The following FGF14 variants were observed in gnomAD, a reference collection of about 807,000 sequenced individuals.
FGF14 encodes fibroblast growth factor homologous factor 4.
In FGF14, 5 loss-of-function variants were observed where a neutral mutation model predicts 25.5. The ratio of observed to expected loss-of-function variants is 0.20; its 90% CI spans 0.10 to 0.41. The LOEUF (loss-of-function observed/expected upper bound fraction) is 0.41. Ranked by LOEUF, FGF14 falls within the 10% of genes least tolerant of loss-of-function variation. FGF14 has a pLI of 1.00. For missense variants in FGF14, 222 were observed against 320.1 expected (o/e 0.69, Z 2.34); for synonymous variants, 138 against 118.3 (o/e 1.17, Z -1.08).
chr13:101,842,634 T>C (rs1426647079), intron 3 of FGF14, among the ~76,000 whole-genome samples: 5 of 151,964 alleles, frequency 3.3e-5, no homozygotes, highest in Admixed American at 6.6e-5. Flanking sequence ...TTAGTGCAAA[T>C]AGTAATAGTA....
chr13:101,992,742 A>C lies in FGF14; in HGVS notation c.209-117446T>G, dbSNP rs552793885. On this transcript the variant is annotated intron_variant, in intron 1 of 4. Transcript: ENST00000376131. ...ATCAGAAAACTTAAAATGGCCAGGG[A>C]ATCATTGGCCTTGAAAGTAAGTCAA... Among the ~76,000 whole-genome samples the C allele has an allele frequency of 2.8e-3, 425 of 152,226 alleles. 1 individual carries two copies. Among genetic ancestry groups the C allele is most frequent in the Non-Finnish European group, 4.8e-3 (324 of 67,996 alleles).
chr13:102,282,067 T>C (rs1165450452), intron 1 of FGF14, among the ~76,000 whole-genome samples: 2 of 145,226 alleles, frequency 1.4e-5, no homozygotes, highest in East Asian at 4.8e-4. Context: ...CTGCTTCTTT[T>C]TTTTTTTTCT....
At chr13:101,780,567 G>A (rs1187712397) in intron 3 of FGF14, among the ~76,000 whole-genome samples, 1 of 152,120 alleles carries the variant, frequency 6.6e-6, no homozygotes, top group African/African-American at 2.4e-5. Context: ...CAGTGTCTTT[G>A]TCTAAATGAC....
At chr13:101,790,156 T>C (rs2040151736) in intron 3 of FGF14, among the ~76,000 whole-genome samples, 1 of 151,592 alleles carries the variant, frequency 6.6e-6, no homozygotes, top group Admixed American at 6.6e-5. Context: ...TATTAATTTC[T>C]CCCAAATCTC....
At chr13:102,178,913 G>A (rs1475734313) in intron 1 of FGF14, among the ~76,000 whole-genome samples, 1 of 151,944 alleles carries the variant, frequency 6.6e-6, no homozygotes, top group Non-Finnish European at 1.5e-5. Flanking sequence ...TTGTAATCAT[G>A]GAGCTATATA....
chr13:102,120,994 G>A (rs1282485089), intron 1 of FGF14, among the ~76,000 whole-genome samples: 3 of 152,136 alleles, frequency 2.0e-5, no homozygotes, highest in East Asian at 1.9e-4. Context: ...ATGAGCCACC[G>A]CGCCCGGCCG....
At chr13:101,891,430 C>T (rs920877390) in intron 1 of FGF14, among the ~76,000 whole-genome samples, 1 of 152,142 alleles carries the variant, frequency 6.6e-6, no homozygotes, top group African/African-American at 2.4e-5. Flanking sequence ...AGTAGTAATA[C>T]AAGAATGCAT....
chr13:102,161,781 T>C (rs144879500), intron 1 of FGF14, among the ~76,000 whole-genome samples: 147 of 151,446 alleles, frequency 9.7e-4, no homozygotes, highest in Middle Eastern at 3.4e-3. Context: ...GGGCAGGAAC[T>C]GCTTAATTCA....
At chr13:102,275,501 G>A (rs1375878520) in intron 1 of FGF14, among the ~76,000 whole-genome samples, 1 of 152,006 alleles carries the variant, frequency 6.6e-6, no homozygotes, top group African/African-American at 2.4e-5. Context: ...TATTTGAAAA[G>A]ATGATAAAAA....
chr13:102,305,703 C>T (rs891716191), intron 1 of FGF14, among the ~76,000 whole-genome samples: 1 of 152,102 alleles, frequency 6.6e-6, no homozygotes, highest in African/African-American at 2.4e-5. Context: ...TTATGACATC[C>T]TCCTTGGAGT....
At chr13:102,064,823 T>C (rs991553607) in intron 1 of FGF14, among the ~76,000 whole-genome samples, 2 of 152,062 alleles carry the variant, frequency 1.3e-5, no homozygotes, top group African/African-American at 2.4e-5. Flanking sequence ...TTAAAGTATA[T>C]TGAAGAATAT....
chr13:102,399,327 G>A (rs1304805060), intron 1 of FGF14, among the ~76,000 whole-genome samples: 1 of 152,172 alleles, frequency 6.6e-6, no homozygotes, highest in Non-Finnish European at 1.5e-5. Context: ...AGGTCCCTAA[G>A]ACAAATGGTC....
At chr13:102,244,182 A>T (rs890524359) in intron 1 of FGF14, among the ~76,000 whole-genome samples, 6 of 152,042 alleles carry the variant, frequency 3.9e-5, no homozygotes, top group African/African-American at 1.4e-4. Flanking sequence ...TTACTCTGAG[A>T]CTGAATCTTC....
chr13:102,340,440 T>TACAC (rs139037869), intron 1 of FGF14, among the ~76,000 whole-genome samples: 13,985 of 148,628 alleles, frequency 0.094, 1,369 homozygotes, highest in African/African-American at 0.25. Flanking sequence ...TACAAACACA[T>TACAC]ACACACACAC....
At chr13:102,272,655 A>G (rs1402957879) in intron 1 of FGF14, among the ~76,000 whole-genome samples, 6 of 152,198 alleles carry the variant, frequency 3.9e-5, no homozygotes, top group Admixed American at 2.6e-4. Context: ...GAAACTCTGC[A>G]GTAGAAATGG....
At chr13:102,324,860 T>G (rs188316619) in intron 1 of FGF14, among the ~76,000 whole-genome samples, 4 of 152,284 alleles carry the variant, frequency 2.6e-5, no homozygotes, top group African/African-American at 9.6e-5. Context: ...AAATAATAAC[T>G]CCTTAAAACT....
At chr13:101,950,029 T>C (rs2036056210) in intron 1 of FGF14, among the ~76,000 whole-genome samples, 1 of 152,102 alleles carries the variant, frequency 6.6e-6, no homozygotes, top group South Asian at 2.1e-4. Context: ...TTTTCCTCCT[T>C]GATAAACTGA....
intron 1 of FGF14, among the ~76,000 whole-genome samples, chr13:102,082,236 GAAA>G (rs757564981): frequency 2.6e-5 from 3 of 115,772 alleles, no homozygotes; most frequent in Non-Finnish European, 3.7e-5. Flanking sequence ...GGGGCTTAAG[GAAA>G]AAAAAAAAAA....
chr13:101,889,769 A>C (rs2046177936), intron 1 of FGF14, among the ~76,000 whole-genome samples: 1 of 152,216 alleles, frequency 6.6e-6, no homozygotes, highest in African/African-American at 2.4e-5. Context: ...AACGTGCATC[A>C]TCTGCTTAGT....
Sources: allele counts gnomAD v4.1 joint callset (sites outside exome capture counted in the v4.1 genomes callset), GRCh38; gene constraint gnomAD v4.1.1; transcripts MANE v1.5; gene names NCBI Gene and HGNC (gene_info 2026-07-23, HGNC 2026-07-21).